The following SMCO4 variants were observed in gnomAD, a reference collection of about 807,000 sequenced individuals.
SMCO4 encodes single-pass membrane and coiled-coil domain-containing protein 4.
In SMCO4, 4 loss-of-function variants were observed where a neutral mutation model predicts 3.6. The observed-to-expected ratio is 1.11, with a 90% CI of 0.54 to 2.53. The LOEUF is 2.53. Ranked by LOEUF, SMCO4 falls within the 30% of genes most tolerant of loss-of-function variation. The pLI is 0.02. For synonymous variants in SMCO4, 36 were observed against 35.3 expected (o/e 1.02, Z -0.07); for missense variants, 70 against 80.8 (o/e 0.87, Z 0.51).
At chr11:93,488,782 G>T (rs1948680843) in intron 2 of SMCO4, among the ~76,000 whole-genome samples, 1 of 152,184 alleles carries the variant, frequency 6.6e-6, no homozygotes, top group African/African-American at 2.4e-5. Context: ...GGCCCTTAAA[G>T]CTGGGAAGTG....
rs186841815 is a variant in SMCO4 at position 93,509,605 on chromosome 11, G to A, written c.-153-10257C>T. ...ATCAACGAGTGGATAAAGAAACTGT[G>A]CTATACATATACCACGAAAGACTAC... On this transcript the variant is annotated intron_variant, in intron 1 of 2. Coordinates refer to ENST00000298966, the MANE Select transcript of SMCO4 (RefSeq NM_020179.3). Among the ~76,000 whole-genome samples, 56 of 152,302 alleles carry A rather than the reference G, an allele frequency of 3.7e-4. 1 individual carries two copies. The highest frequency in any genetic ancestry group is 1.3e-3 in the African/African-American group (54 of 41,572).
intron 1 of SMCO4, among the ~76,000 whole-genome samples, chr11:93,541,172 T>C (rs543868221): frequency 5.6e-4 from 86 of 152,336 alleles, no homozygotes; most frequent in African/African-American, 2.0e-3. Context: ...GTCACTTCAA[T>C]GCTGTGATGG....
intron 1 of SMCO4, among the ~76,000 whole-genome samples, chr11:93,502,536 G>A (rs954775263): frequency 6.6e-5 from 10 of 152,234 alleles, no homozygotes; most frequent in African/African-American, 2.4e-4. Context: ...AAGGACCTCA[G>A]AGTATTGAAA....
upstream of SMCO4, among the ~76,000 whole-genome samples, chr11:93,545,588 CAAAA>C (rs143549634): frequency 1.5e-4 from 13 of 85,994 alleles, no homozygotes; most frequent in African/African-American, 3.6e-4. Context: ...AACTCTGTCT[CAAAA>C]AAAAAAAAAA....
upstream of SMCO4, among the ~76,000 whole-genome samples, chr11:93,544,744 G>T (rs1231508453): frequency 6.6e-6 from 1 of 152,082 alleles, no homozygotes; most frequent in Non-Finnish European, 1.5e-5. Flanking sequence ...TGGGCTTTCT[G>T]CACCTCAGTC....
intron 1 of SMCO4, among the ~76,000 whole-genome samples, chr11:93,526,213 C>T (rs550933940): frequency 1.3e-5 from 2 of 152,238 alleles, no homozygotes; most frequent in South Asian, 4.2e-4. Context: ...GGACCCCCTC[C>T]CCTCCCCAGG....
chr11:93,548,338 C>T (rs2134650313), upstream of SMCO4, among the ~76,000 whole-genome samples: 1 of 152,224 alleles, frequency 6.6e-6, no homozygotes, highest in Admixed American at 6.5e-5. Context: ...ATTCCCACTC[C>T]CAAAATGTTT....
chr11:93,529,055 T>C (rs1949139013), intron 1 of SMCO4, among the ~76,000 whole-genome samples: 1 of 152,170 alleles, frequency 6.6e-6, no homozygotes, highest in African/African-American at 2.4e-5. Context: ...GGGCAAGGCC[T>C]TTCTGTTCTA....
At chr11:93,487,385 T>G (rs142421546) in intron 2 of SMCO4, among the ~76,000 whole-genome samples, 2 of 152,160 alleles carry the variant, frequency 1.3e-5, no homozygotes, top group Admixed American at 1.3e-4. Flanking sequence ...ACTAGCTCCC[T>G]GCTGCCGACA....
rs372205494 is a variant in SMCO4, at chr11:93,521,355, G to A, written c.-154+21921C>T. The stretch of plus-strand genomic sequence containing the variant: ...ACTTAATCTCTCTTAATCATAAAAC[G>A]AAGGGCAGCAGATAATGCTTACTAA... On this transcript the variant is annotated intron_variant, in intron 1 of 2. Coordinates refer to ENST00000298966, the MANE Select transcript of SMCO4 (RefSeq NM_020179.3). Among the ~76,000 whole-genome samples the A allele has an allele frequency of 4.6e-5, 7 of 152,302 alleles. No homozygotes were observed. The South Asian group carries it at 8.3e-4, about 18-fold the overall frequency.
chr11:93,505,861 T>C (rs977076371), intron 1 of SMCO4, among the ~76,000 whole-genome samples: 3 of 50,772 alleles, frequency 5.9e-5, no homozygotes, highest in Non-Finnish European at 1.3e-4. Context: ...CTTGCAATGA[T>C]GATGATGATG....
At chr11:93,535,925 A>G in intron 1 of SMCO4, 1 of 1,543,644 alleles carries the variant, frequency 6.5e-7, no homozygotes, top group Non-Finnish European at 8.8e-7. Flanking sequence ...GTGTTTTCAC[A>G]TAAGATTAGG....
At chr11:93,550,505 T>A in the SMCO4 span, among the ~76,000 whole-genome samples, 1 of 151,874 alleles carries the variant, frequency 6.6e-6, no homozygotes. Flanking sequence ...ACAAAAAATT[T>A]TAAAAAATTA....
chr11:93,542,903 C>T (rs968430521), intron 1 of SMCO4, among the ~76,000 whole-genome samples: 1 of 152,204 alleles, frequency 6.6e-6, no homozygotes, highest in South Asian at 2.1e-4. Context: ...CGGCCCAAGC[C>T]CTTTGCACTG....
At chr11:93,488,574 G>A (rs1337933306) in intron 2 of SMCO4, among the ~76,000 whole-genome samples, 1 of 152,136 alleles carries the variant, frequency 6.6e-6, no homozygotes, top group Admixed American at 6.5e-5. Flanking sequence ...ACAGACTGAA[G>A]GTCTCAGGCC....
At chr11:93,539,030 G>T (rs915906423) in intron 1 of SMCO4, among the ~76,000 whole-genome samples, 1 of 152,212 alleles carries the variant, frequency 6.6e-6, no homozygotes, top group South Asian at 2.1e-4. Flanking sequence ...GAGTCCTACA[G>T]ATCATTGCAG....
chr11:93,514,787 C>T (rs1166972904), intron 1 of SMCO4, among the ~76,000 whole-genome samples: 2 of 152,130 alleles, frequency 1.3e-5, no homozygotes, highest in Non-Finnish European at 2.9e-5. Flanking sequence ...TTAATAGTAA[C>T]AGCTGCATTT....
intron 2 of SMCO4, 60 bp from the exon 3 acceptor site, chr11:93,479,329 C>G: frequency 1.4e-6 from 2 of 1,388,546 alleles, no homozygotes; most frequent in Non-Finnish European, 9.4e-7. Context: ...AAATAAATCA[C>G]TTAAAGGCAA....
intron 1 of SMCO4, among the ~76,000 whole-genome samples, chr11:93,507,377 G>A (rs572626971): frequency 9.7e-4 from 147 of 152,198 alleles, no homozygotes; most frequent in African/African-American, 3.5e-3. Flanking sequence ...TTCAGCCTGG[G>A]GGATAGAGAC....
Sources: allele counts gnomAD v4.1 joint callset (sites outside exome capture counted in the v4.1 genomes callset), GRCh38; gene constraint gnomAD v4.1.1; transcripts MANE v1.5; gene names NCBI Gene and HGNC (gene_info 2026-07-23, HGNC 2026-07-21).